The following LUZP2 variants were observed in gnomAD, a reference collection of about 807,000 sequenced individuals.
LUZP2 encodes the protein leucine zipper protein 2.
A neutral mutation model predicts 51.6 loss-of-function variants in LUZP2; 52 were observed. That is an observed-to-expected ratio of 1.01 (90% CI 0.81 to 1.27). The LOEUF (loss-of-function observed/expected upper bound fraction) is 1.27. LUZP2 is among the 50% of genes most tolerant of loss of function. LUZP2 has a pLI of 0.00. For synonymous variants in LUZP2, 154 were observed against 137.3 expected (o/e 1.12, Z -0.85); for missense variants, 436 against 395.4 (o/e 1.10, Z -0.87).
chr11:24,497,462 TGA>T (rs1776200145), intron 1 of LUZP2, among the ~76,000 whole-genome samples, 157 bp downstream of exon 1: 1 of 152,138 alleles, frequency 6.6e-6, no homozygotes, highest in Admixed American at 6.5e-5. Flanking sequence ...GAAATCCTTC[TGA>T]GAGAGCAGAG....
intron 4 of LUZP2, among the ~76,000 whole-genome samples, chr11:24,752,392 T>C (rs894452207): frequency 2.0e-5 from 3 of 152,160 alleles, no homozygotes; most frequent in African/African-American, 7.2e-5. Flanking sequence ...TTAAAGCACG[T>C]AAAGCATGGA....
chr11:24,761,619 G>A (rs1859982636), intron 4 of LUZP2, among the ~76,000 whole-genome samples: 1 of 152,124 alleles, frequency 6.6e-6, no homozygotes, highest in African/African-American at 2.4e-5. Context: ...ACTGCTCTAT[G>A]AGAGAAAAAT....
Position 24,753,657 on chromosome 11 carries a change from A to G in LUZP2, c.334-9589A>G, listed in dbSNP as rs117252980. Among the ~76,000 whole-genome samples the G allele has an allele frequency of 8.4e-4, 128 of 152,294 alleles. 1 individual carries two copies. In the East Asian group the frequency reaches 0.02, roughly 23 times the overall value. On this transcript the variant is annotated intron_variant, in intron 4 of 11. Coordinates refer to ENST00000336930, the MANE Select transcript of LUZP2 (RefSeq NM_001009909.4). ...CTTCACATGAGGTGTGTTCAAATAT[A>G]TCAACTTTTATAATCCTATCCATTT...
Position 24,974,725 on chromosome 11 carries a change from C to A in LUZP2, c.523-1866C>A, listed in dbSNP as rs141459732. Among the ~76,000 whole-genome samples the A allele has an allele frequency of 7.4e-3, 1,127 of 151,612 alleles. 15 individuals are homozygous for A. Among genetic ancestry groups the A allele is most frequent in the African/African-American group, 0.023 (940 of 41,330 alleles). On this transcript the variant is annotated intron_variant, in intron 7 of 11. Coordinates refer to ENST00000336930, the MANE Select transcript of LUZP2 (RefSeq NM_001009909.4). The stretch of plus-strand genomic sequence containing the variant: ...AAATAAATTTTACCAGATATCTAAA[C>A]GATAAGAAGAAAATTATGCTTGGAA...
intron 5 of LUZP2, among the ~76,000 whole-genome samples, chr11:24,876,345 TA>T (rs1852261566): frequency 6.7e-6 from 1 of 150,234 alleles, no homozygotes; most frequent in African/African-American, 2.5e-5. Flanking sequence ...CACCATTTAT[TA>T]AATAGGGAAT....
chr11:25,046,511 A>T, intron 9 of LUZP2, among the ~76,000 whole-genome samples: 1 of 152,266 alleles, frequency 6.6e-6, no homozygotes, highest in Non-Finnish European at 1.5e-5. Context: ...TCCTAAAAAA[A>T]TCATAAATAA....
intron 1 of LUZP2, among the ~76,000 whole-genome samples, chr11:24,663,950 A>G (rs1275001463): frequency 6.6e-6 from 1 of 152,178 alleles, no homozygotes; most frequent in Non-Finnish European, 1.5e-5. Context: ...GAGGATATTA[A>G]ACCTCTTTTC....
intron 3 of LUZP2, among the ~76,000 whole-genome samples, chr11:24,735,530 G>C (rs778541522): frequency 6.6e-6 from 1 of 151,764 alleles, no homozygotes; most frequent in African/African-American, 2.4e-5. Flanking sequence ...TAATGTTCTC[G>C]AAAACTAAAA....
chr11:24,856,379 T>C (rs183334006), intron 5 of LUZP2, among the ~76,000 whole-genome samples: 31 of 152,194 alleles, frequency 2.0e-4, no homozygotes, highest in African/African-American at 7.2e-4. Context: ...AAAACCAAAA[T>C]GAGATACCAT....
At chr11:24,793,135 A>G (rs1051546530) in intron 5 of LUZP2, among the ~76,000 whole-genome samples, 1 of 152,140 alleles carries the variant, frequency 6.6e-6, no homozygotes, top group Non-Finnish European at 1.5e-5. Context: ...ATATTCATCT[A>G]ATTTCCATGC....
chr11:24,991,392 G>GTATATATATATATATACA (rs770909829), intron 9 of LUZP2, among the ~76,000 whole-genome samples: 1 of 104,548 alleles, frequency 9.6e-6, no homozygotes, highest in African/African-American at 3.5e-5. Flanking sequence ...GTGTGTGTGT[G>GTATATATATATATATACA]TGTGTATATA....
intron 7 of LUZP2, among the ~76,000 whole-genome samples, chr11:24,975,584 A>G (rs1855862513): frequency 6.6e-6 from 1 of 152,076 alleles, no homozygotes; most frequent in Non-Finnish European, 1.5e-5. Context: ...AGTGGTGCAA[A>G]TGCTATATGT....
chr11:24,558,009 G>T (rs1165335462), intron 1 of LUZP2, among the ~76,000 whole-genome samples: 1 of 152,042 alleles, frequency 6.6e-6, no homozygotes, highest in Non-Finnish European at 1.5e-5. Context: ...CTTAGTGGGG[G>T]AAAATCTGCC....
chr11:24,799,233 T>C (rs1241426760), intron 5 of LUZP2, among the ~76,000 whole-genome samples: 1 of 152,174 alleles, frequency 6.6e-6, no homozygotes. Flanking sequence ...GGTAGGAAAG[T>C]ATTACCTTAA....
intron 4 of LUZP2, 95 bp from the exon 5 acceptor site, chr11:24,763,151 A>G (rs1860043210): frequency 3.2e-6 from 2 of 627,504 alleles, no homozygotes; most frequent in Non-Finnish European, 4.9e-6. Context: ...ATTTGTTAAT[A>G]AATAATTTAT....
In LUZP2 at chr11:24,785,042, C is replaced by T. The variant is rs559154700; in HGVS notation, c.396+21734C>T. 5.9e-5 allele frequency among the ~76,000 whole-genome samples: 9 copies of T among 152,092 alleles called. No individual in the cohort carries two copies. The East Asian group carries it at 9.7e-4, about 16-fold the overall frequency. ...GAAGTGTGAAGCCCCATTCATATTT[C>T]TGTGGATCCATACCTCACACATACC... On this transcript the variant is annotated intron_variant, in intron 5 of 11. Transcript: ENST00000336930.
chr11:24,576,828 T>C (rs953246393), intron 1 of LUZP2, among the ~76,000 whole-genome samples: 1 of 152,090 alleles, frequency 6.6e-6, no homozygotes, highest in Admixed American at 6.6e-5. Flanking sequence ...AATTACTTGT[T>C]ATATATATGA....
At chr11:24,695,116 C>G (rs1306553398) in intron 1 of LUZP2, among the ~76,000 whole-genome samples, 1 of 150,500 alleles carries the variant, frequency 6.6e-6, no homozygotes, top group Non-Finnish European at 1.5e-5. Context: ...AAAGTTTTCT[C>G]TATTTCAACA....
intron 5 of LUZP2, among the ~76,000 whole-genome samples, chr11:24,813,338 A>C (rs562471862): frequency 6.6e-6 from 1 of 152,274 alleles, no homozygotes; most frequent in Non-Finnish European, 1.5e-5. Context: ...AGATGAGGTA[A>C]TTTATAAAGA....
Sources: allele counts gnomAD v4.1 joint callset (sites outside exome capture counted in the v4.1 genomes callset), GRCh38; gene constraint gnomAD v4.1.1; transcripts MANE v1.5; gene names NCBI Gene and HGNC (gene_info 2026-07-23, HGNC 2026-07-21).